Variants in DOCK5 observed in about 807,000 individuals in gnomAD.
The protein encoded by DOCK5 is dedicator of cytokinesis protein 5.
In DOCK5, 142 loss-of-function variants were observed where a neutral mutation model predicts 251.8. That is an observed-to-expected ratio of 0.56 (90% confidence interval 0.49 to 0.65). The LOEUF (loss-of-function observed/expected upper bound fraction) is 0.65. Ranked by LOEUF, DOCK5 falls within the 30% of genes least tolerant of loss-of-function variation. The pLI, the probability that DOCK5 is intolerant of heterozygous loss-of-function variation, is 0.00. For synonymous variants in DOCK5, 842 were observed against 835.5 expected (o/e 1.01, Z -0.13); for missense variants, 2,111 against 2,312.3 (o/e 0.91, Z 1.79).
chr8:25,403,749 A>G, intron 48 of DOCK5, 25 bp downstream of exon 48: 1 of 1,612,162 alleles, frequency 6.2e-7, no homozygotes, highest in South Asian at 1.1e-5. Context: ...TTTAATCTGC[A>G]GGAAGGGTGG....
chr8:25,206,658 G>A (rs1802009527), intron 1 of DOCK5, among the ~76,000 whole-genome samples: 1 of 152,138 alleles, frequency 6.6e-6, no homozygotes, highest in African/African-American at 2.4e-5. Context: ...TAAGATTCCT[G>A]TGGCCATCAC....
intron 6 of DOCK5, among the ~76,000 whole-genome samples, chr8:25,293,911 CAAGA>C (rs748790310): frequency 8.0e-4 from 122 of 152,194 alleles, no homozygotes; most frequent in Non-Finnish European, 1.6e-3. Context: ...GGCTGAGGCA[CAAGA>C]ATCGCTGGAA....
rs117437173 is a variant in DOCK5 at position 25,222,451 on chromosome 8, C to G, written c.44-21223C>G. On this transcript the variant is annotated intron_variant, in intron 1 of 51. Coordinates refer to ENST00000276440, the MANE Select transcript of DOCK5 (RefSeq NM_024940.8). ...AGGTGGCCTGAACCGGCCCCTGACT[C>G]AGATGGTCCTTTATTTTCTGAGCCG... 1.2e-3 allele frequency among the ~76,000 whole-genome samples: 178 copies of G among 152,228 alleles called. 1 individual carries two copies. The highest frequency in any genetic ancestry group is 1.1e-3 in the Admixed American group (17 of 15,292).
Position 25,311,039 on chromosome 8 carries a change from G to T in DOCK5, c.1318+507G>T, listed in dbSNP as rs139912418. On this transcript the variant is annotated intron_variant, in intron 13 of 51. Coordinates refer to ENST00000276440, the MANE Select transcript of DOCK5 (RefSeq NM_024940.8). The stretch of plus-strand genomic sequence containing the variant: ...CTCCATTCTCTGAAGCTCCAAAAGC[G>T]CTCTGGCTCTCCCTGTTCTTGTTGT... 5.2e-3 allele frequency among the ~76,000 whole-genome samples: 796 copies of T among 152,218 alleles called. 6 individuals are homozygous for T. The highest frequency in any genetic ancestry group is 0.024 in the Middle Eastern group (7 of 294).
intron 26 of DOCK5, 144 bp from the exon 27 acceptor site, chr8:25,351,587 A>G: frequency 1.6e-6 from 1 of 612,588 alleles, no homozygotes; most frequent in Non-Finnish European, 2.9e-6. Context: ...ATTCTGTGAG[A>G]CCATTTTCCA....
Position 25,267,010 on chromosome 8 carries a change from T to G in DOCK5, c.128-1835T>G, listed in dbSNP as rs145120694. Among the ~76,000 whole-genome samples the G allele has an allele frequency of 2.0e-4, 30 of 152,330 alleles. No individual in the cohort carries two copies. The East Asian group carries it at 5.0e-3, about 25-fold the overall frequency. On this transcript the variant is annotated intron_variant, in intron 2 of 51. Transcript: ENST00000276440. ...AGGGCACAGAACGATGAAAACTGTTTGGAAAAGATGAATATCTTGTTTCTC... is the reference window on the plus strand; with the variant it reads ...AGGGCACAGAACGATGAAAACTGTTGGGAAAAGATGAATATCTTGTTTCTC...
intron 1 of DOCK5, among the ~76,000 whole-genome samples, chr8:25,197,991 C>A (rs12549840): frequency 0.63 from 94,982 of 151,612 alleles, 32,207 homozygotes; most frequent in Non-Finnish European, 0.76. Flanking sequence ...ACGTCGTGAT[C>A]CGCCTGCGTC....
chr8:25,381,535 G>A (rs12546655), intron 39 of DOCK5, among the ~76,000 whole-genome samples: 11,541 of 151,916 alleles, frequency 0.076, 510 homozygotes, highest in East Asian at 0.18. Flanking sequence ...GGCTGAAGTG[G>A]GAGGATCACC....
intron 40 of DOCK5, among the ~76,000 whole-genome samples, chr8:25,388,462 AAG>A (rs1801202122): frequency 6.6e-6 from 1 of 152,144 alleles, no homozygotes; most frequent in African/African-American, 2.4e-5. Context: ...AAAATGATTA[AAG>A]AGATTATATT....
At chr8:25,238,538 G>A (rs1168102712) in intron 1 of DOCK5, among the ~76,000 whole-genome samples, 3 of 152,136 alleles carry the variant, frequency 2.0e-5, no homozygotes, top group Non-Finnish European at 4.4e-5. Flanking sequence ...TCCTCTAAGC[G>A]GTGACTTTTC....
intron 28 of DOCK5, among the ~76,000 whole-genome samples, chr8:25,360,142 A>T (rs887880560): frequency 2.0e-5 from 3 of 152,302 alleles, no homozygotes; most frequent in South Asian, 4.1e-4. Context: ...TGCTGAGTAG[A>T]TGGCCAGTGC....
intron 6 of DOCK5, 101 bp downstream of exon 6, chr8:25,292,273 C>T: frequency 1.5e-6 from 2 of 1,295,030 alleles, no homozygotes; most frequent in Non-Finnish European, 2.1e-6. Context: ...TTAGAGTTGC[C>T]AAAGAATAAT....
intron 23 of DOCK5, 111 bp from the exon 24 acceptor site, chr8:25,341,628 C>G: frequency 1.2e-6 from 1 of 849,196 alleles, no homozygotes; most frequent in Non-Finnish European, 1.9e-6. Flanking sequence ...GTATCTGTGT[C>G]CAGTTCCCTA....
In DOCK5 at chr8:25,414,211, G is replaced by T. The variant is rs1478140064; in HGVS notation, c.*2913G>T. On this transcript the variant is annotated 3_prime_UTR_variant, in exon 52 of 52. Transcript: ENST00000276440. Reference sequence around the variant, plus strand: ...AACATATATCAAGTTCTTATGGAATGCCAGTCATGGTACTAGCCCCTTGGG... The same window carrying T: ...AACATATATCAAGTTCTTATGGAATTCCAGTCATGGTACTAGCCCCTTGGG... The T allele has an allele frequency of 6.6e-6, 1 of 152,030 alleles. No homozygotes were observed. Among genetic ancestry groups the T allele is most frequent in the East Asian group, 1.9e-4 (1 of 5,178 alleles). The allele number at this position is 152,030 out of a possible 1,614,324, so 9.4% of individuals were successfully genotyped here.
intron 7 of DOCK5, among the ~76,000 whole-genome samples, chr8:25,297,403 G>A (rs1015122452): frequency 2.0e-5 from 3 of 151,662 alleles, no homozygotes; most frequent in Admixed American, 6.6e-5. Flanking sequence ...GATTACAGGC[G>A]CCCACCACCA....
chr8:25,376,521 C>T (rs2117293998), intron 37 of DOCK5: 1 of 331,234 alleles, frequency 3.0e-6, no homozygotes. Context: ...GGTAGTTACT[C>T]TTGATTGCTC....
Position 25,304,285 on chromosome 8 carries a change from A to G in DOCK5, c.1007A>G (p.Lys336Arg). 2.5e-6 allele frequency: 4 copies of G among 1,611,022 alleles called. No homozygotes were observed. The highest frequency in any genetic ancestry group is 3.4e-6 in the Non-Finnish European group (4 of 1,178,698). ...VMDITDIIHG[K>R]VDDEEKQHFI... Reference sequence around the variant, plus strand: ...GATATTACTGATATCATACATGGGAAGGTGGATGATGAAGAAAAGCAGCAT... The same window carrying G: ...GATATTACTGATATCATACATGGGAGGGTGGATGATGAAGAAAAGCAGCAT... Residue 336 changes from lysine to arginine, a missense_variant, in exon 11 of 52, where the codon AAG becomes AGG. By Grantham distance (26) the Lys-to-Arg change is conservative. This residue lies in a region of DOCK5 where 1,717 missense variants were observed against 1,892.4 expected (regional missense o/e 0.91). Transcript: ENST00000276440.
In DOCK5 at chr8:25,319,664, T is replaced by C. The variant is rs759252219; in HGVS notation, c.1530T>C (p.Tyr510=). 1.4e-5 allele frequency: 22 copies of C among 1,582,172 alleles called. No homozygotes were observed. The Admixed American group carries it at 4.0e-4, about 28-fold the overall frequency. The part of the protein sequence containing the change: ...VYYQVKQPCW[Y]ETVKVSIAIE... ...ACCAAGTCAAGCAGCCCTGTTGGTA[T>C]GAGACTGTCAAGGTGAGAATGAGTC... is the stretch of plus-strand genomic sequence containing the variant. Residue 510 remains tyrosine (Y), a synonymous_variant, in exon 15 of 52, where the codon TAT becomes TAC. Coordinates refer to ENST00000276440, the MANE Select transcript of DOCK5 (RefSeq NM_024940.8).
chr8:25,364,900 C>A, intron 30 of DOCK5, 196 bp downstream of exon 30: 2 of 453,738 alleles, frequency 4.4e-6, no homozygotes, highest in South Asian at 8.1e-5. Context: ...TTTCTTCTTT[C>A]TATAAAGGTA....
Sources: allele counts gnomAD v4.1 joint callset (sites outside exome capture counted in the v4.1 genomes callset), GRCh38; gene constraint gnomAD v4.1.1; regional missense constraint gnomAD v4.1.1; transcripts MANE v1.5; gene names NCBI Gene and HGNC (gene_info 2026-07-23, HGNC 2026-07-21).